Variants in ZMYM2 observed in about 807,000 individuals in gnomAD.
ZMYM2 encodes zinc finger MYM-type protein 2.
In ZMYM2, 56 loss-of-function variants were observed where a neutral mutation model predicts 162.8. The observed-to-expected ratio is 0.34, with a 90% CI of 0.28 to 0.43. The LOEUF is 0.43. Among genes scored for constraint, ZMYM2 ranks in the 20% least tolerant of loss-of-function variants. The pLI, the probability that ZMYM2 is intolerant of heterozygous loss-of-function variation, is 1.00. For synonymous variants in ZMYM2, 510 were observed against 541.6 expected (o/e 0.94, Z 0.81); for missense variants, 1,275 against 1,621.8 (o/e 0.79, Z 3.67).
At chr13:20,054,654 T>TA (rs1467074718) in intron 14 of ZMYM2, among the ~76,000 whole-genome samples, 3 of 152,306 alleles carry the variant, frequency 2.0e-5, no homozygotes, top group African/African-American at 7.2e-5. Context: ...AAAAACATTC[T>TA]AAAAAACAAG....
intron 10 of ZMYM2, 76 bp from the exon 11 acceptor site, chr13:20,034,178 T>C: frequency 1.6e-6 from 2 of 1,266,048 alleles, no homozygotes; most frequent in Non-Finnish European, 2.1e-6. Context: ...GATTTAACTT[T>C]GCTTCTGTAA....
At chr13:20,056,648 A>G (rs778257779) in intron 14 of ZMYM2, among the ~76,000 whole-genome samples, 106 of 152,084 alleles carry the variant, frequency 7.0e-4, no homozygotes, top group African/African-American at 2.5e-3. Context: ...AACTGTTGGG[A>G]AGATGTTTGA....
intron 21 of ZMYM2, among the ~76,000 whole-genome samples, chr13:20,073,992 C>T (rs558899972): frequency 1.4e-4 from 22 of 152,144 alleles, no homozygotes; most frequent in Non-Finnish European, 2.4e-4. Flanking sequence ...AACTGAAACT[C>T]TGTACTCATT....
the ZMYM2 span, among the ~76,000 whole-genome samples, chr13:19,873,146 C>T: frequency 6.6e-6 from 1 of 152,156 alleles, no homozygotes; most frequent in African/African-American, 2.4e-5. Context: ...GCAAGTATCA[C>T]TCATACTGAT....
At chr13:19,881,823 C>T in the ZMYM2 span, among the ~76,000 whole-genome samples, 9 of 150,030 alleles carry the variant, frequency 6.0e-5, no homozygotes, top group African/African-American at 2.0e-4. Flanking sequence ...CGTCTCTATT[C>T]TAAATAAAAA....
intron 12 of ZMYM2, among the ~76,000 whole-genome samples, chr13:20,041,555 T>C (rs1465562366): frequency 6.6e-6 from 1 of 152,206 alleles, no homozygotes; most frequent in Non-Finnish European, 1.5e-5. Flanking sequence ...ACATTTAAGG[T>C]TAGTATTGAT....
At chr13:19,964,425 T>C (rs1594041806) in intron 2 of ZMYM2, among the ~76,000 whole-genome samples, 1 of 152,036 alleles carries the variant, frequency 6.6e-6, no homozygotes, top group Middle Eastern at 3.4e-3. Context: ...AGATAATGCA[T>C]GTTTAATAGG....
At chr13:19,935,197 C>T in the ZMYM2 span, among the ~76,000 whole-genome samples, 30 of 152,110 alleles carry the variant, frequency 2.0e-4, no homozygotes, top group Non-Finnish European at 1.8e-4. Flanking sequence ...TGCAGTGGTG[C>T]TATTTTGGCT....
the ZMYM2 span, among the ~76,000 whole-genome samples, chr13:19,867,591 G>T: frequency 6.6e-6 from 1 of 151,940 alleles, no homozygotes; most frequent in Non-Finnish European, 1.5e-5. Context: ...ATGACTGGTT[G>T]CTATATTTTT....
intron 23 of ZMYM2, 24 bp from the exon 24 acceptor site, chr13:20,083,632 T>C: frequency 6.9e-7 from 1 of 1,459,368 alleles, no homozygotes; most frequent in African/African-American, 1.4e-5. Context: ...GTTTAGGAGG[T>C]TTATTTCACT....
In ZMYM2 at chr13:19,993,144, G is replaced by A; in HGVS notation, c.72G>A (p.Met24Ile). 6.2e-7 allele frequency: 1 copy of A among 1,614,036 alleles called. No homozygotes were observed. The highest frequency in any genetic ancestry group is 8.5e-7 in the Non-Finnish European group (1 of 1,180,000). ...CTGTTTTATTAGGGAGTACGGCCAT[G>A]GCAACTAGTCTCACGAATGTAGGAA... ...QTPVLLGSTA[M>I]ATSLTNVGNS... Residue 24 changes from methionine (M) to isoleucine (I), a missense_variant, in exon 3 of 25, where the codon ATG becomes ATA. Physicochemically the swap from Met to Ile is conservative, Grantham distance 10. This residue lies in a region of ZMYM2 where 295 missense variants were observed against 286.7 expected (regional missense o/e 1.03). Coordinates refer to ENST00000610343, the MANE Select transcript of ZMYM2 (RefSeq NM_197968.4).
the ZMYM2 span, among the ~76,000 whole-genome samples, chr13:19,870,093 A>G: frequency 6.6e-6 from 1 of 152,186 alleles, no homozygotes. Context: ...AAGCCCACTC[A>G]TGTGGCTATT....
chr13:20,037,273 T>G (rs1440679156), intron 12 of ZMYM2, among the ~76,000 whole-genome samples: 1 of 144,052 alleles, frequency 6.9e-6, no homozygotes, highest in Non-Finnish European at 1.5e-5. Flanking sequence ...TAGAGTGCAG[T>G]GGCACCATCT....
the ZMYM2 span, among the ~76,000 whole-genome samples, chr13:19,939,170 C>T: frequency 2.6e-4 from 40 of 151,518 alleles, no homozygotes; most frequent in Non-Finnish European, 4.3e-4. Flanking sequence ...ATTACAGGTG[C>T]CTGCCACCAC....
the ZMYM2 span, among the ~76,000 whole-genome samples, chr13:19,951,104 G>A: frequency 1.4e-4 from 22 of 152,146 alleles, no homozygotes; most frequent in African/African-American, 4.3e-4. Context: ...CTTCCAGTGT[G>A]GGCCAGGGAA....
chr13:20,064,462 C>G lies in ZMYM2; in HGVS notation c.3049C>G (p.Leu1017Val), dbSNP rs1217650837. 1.9e-6 allele frequency: 3 copies of G among 1,595,590 alleles called. No homozygotes were observed. The Admixed American group carries it at 5.2e-5, about 28-fold the overall frequency. ...EIDFPRAAEELDMENEFLLPP... is the reference protein window; with the variant it reads ...EIDFPRAAEEVDMENEFLLPP... The stretch of plus-strand genomic sequence containing the variant: ...GATTTGGTTGTCAGCTGCTGAGGAG[C>G]TTGATATGGAAAATGAATTTTTATT... Residue 1017 changes from leucine (L) to valine (V), a missense_variant, in exon 19 of 25, where the codon CTT becomes GTT. Transcript: ENST00000610343.
chr13:20,026,701 G>A lies in ZMYM2; in HGVS notation c.1674G>A (p.Met558Ile). The part of the protein sequence containing the change: ...MTQCIGPNGY[M>I]EPYCSTACMN... Reference sequence around the variant, plus strand: ...AGTGTATAGGTCCTAATGGATATATGGAGCCATATTGTTCAACTGCTTGTA... The same window carrying A: ...AGTGTATAGGTCCTAATGGATATATAGAGCCATATTGTTCAACTGCTTGTA... The change falls in exon 8 of 25, where the codon ATG becomes ATA. Residue 558 changes from methionine to isoleucine, a missense_variant. Physicochemically the swap from Met to Ile is conservative, Grantham distance 10. Coordinates refer to ENST00000610343, the MANE Select transcript of ZMYM2 (RefSeq NM_197968.4). 6.2e-7 allele frequency: 1 copy of A among 1,607,810 alleles called. No individual in the cohort carries two copies. The highest frequency in any genetic ancestry group is 8.5e-7 in the Non-Finnish European group (1 of 1,178,640).
chr13:19,986,564 TA>T (rs1949159754), intron 2 of ZMYM2, among the ~76,000 whole-genome samples: 1 of 152,054 alleles, frequency 6.6e-6, no homozygotes. Flanking sequence ...TAGTTACTTT[TA>T]AATAAATTTG....
intron 24 of ZMYM2, among the ~76,000 whole-genome samples, chr13:20,084,727 C>A (rs758938447): frequency 4.2e-4 from 64 of 152,132 alleles, no homozygotes; most frequent in Non-Finnish European, 7.1e-4. Flanking sequence ...CGTTTAGAGA[C>A]CATAGATTAT....
Sources: allele counts gnomAD v4.1 joint callset (sites outside exome capture counted in the v4.1 genomes callset), GRCh38; gene constraint gnomAD v4.1.1; regional missense constraint gnomAD v4.1.1; transcripts MANE v1.5; gene names NCBI Gene and HGNC (gene_info 2026-07-23, HGNC 2026-07-21).